Variants in IMMP1L observed in about 807,000 individuals in gnomAD.
IMMP1L encodes the protein inner mitochondrial membrane peptidase subunit 1.
Under a neutral mutation model 21.8 loss-of-function variants are expected in IMMP1L, and 24 were observed. That is an observed-to-expected ratio of 1.10 (90% CI 0.80 to 1.55). The LOEUF (loss-of-function observed/expected upper bound fraction) is 1.55, where lower values mean the gene tolerates loss of function less well. Ranked by LOEUF, IMMP1L falls within the 40% of genes most tolerant of loss-of-function variation. IMMP1L has a pLI of 0.00. For synonymous variants in IMMP1L, 46 were observed against 62.8 expected (o/e 0.73, Z 1.26); for missense variants, 195 against 200.7 (o/e 0.97, Z 0.17).
At chr11:31,460,557 C>T (rs1412994505) in intron 3 of IMMP1L, 69 bp downstream of exon 3, 2 of 886,272 alleles carry the variant, frequency 2.3e-6, no homozygotes, top group Non-Finnish European at 1.8e-6. Context: ...AGTTAAGGAA[C>T]TGCAGAAAAG....
At chr11:31,455,337 A>T (rs1004933222) in intron 4 of IMMP1L, among the ~76,000 whole-genome samples, 2 of 152,224 alleles carry the variant, frequency 1.3e-5, no homozygotes, top group Non-Finnish European at 2.9e-5. Context: ...AGTAAAGTAG[A>T]AAATTAAGCT....
chr11:31,484,102 T>C (rs1954991199), intron 1 of IMMP1L, among the ~76,000 whole-genome samples: 1 of 151,856 alleles, frequency 6.6e-6, no homozygotes, highest in Non-Finnish European at 1.5e-5. Flanking sequence ...AATAGCTAAT[T>C]TTACAGTAAA....
At chr11:31,483,395 C>T (rs1318868962) in intron 1 of IMMP1L, among the ~76,000 whole-genome samples, 1 of 152,034 alleles carries the variant, frequency 6.6e-6, no homozygotes, top group African/African-American at 2.4e-5. Context: ...AATTTAGGAA[C>T]TGACATGTAT....
intron 4 of IMMP1L, among the ~76,000 whole-genome samples, chr11:31,448,026 C>T (rs969744133): frequency 2.0e-5 from 3 of 152,072 alleles, no homozygotes; most frequent in African/African-American, 7.2e-5. Flanking sequence ...ACTGTTATAG[C>T]ACCTGGGCGC....
intron 1 of IMMP1L, among the ~76,000 whole-genome samples, chr11:31,496,519 T>C (rs1955440657): frequency 6.6e-6 from 1 of 152,102 alleles, no homozygotes; most frequent in Non-Finnish European, 1.5e-5. Flanking sequence ...CAGATACTTC[T>C]ATGCCAATGT....
chr11:31,477,416 A>G (rs575761786), intron 1 of IMMP1L: 3 of 365,054 alleles, frequency 8.2e-6, no homozygotes, highest in East Asian at 3.2e-4. Context: ...TAGTTTGTAT[A>G]TGTCTTGCAT....
At position 31,491,023 on chromosome 11, in the gene IMMP1L, A is replaced by G. The variant is rs564398516; in HGVS notation, c.-30+18496T>C. 5.9e-5 allele frequency among the ~76,000 whole-genome samples: 9 copies of G among 152,308 alleles called. No homozygotes were observed. The East Asian group carries it at 1.5e-3, about 26-fold the overall frequency. ...AAGGATGCCCCCCTAGAGTTTTCAT[A>G]ATAAACATAGCTGACAACTTGACTT... On this transcript the variant is annotated intron_variant, in intron 1 of 5. Coordinates refer to ENST00000532287, the MANE Select transcript of IMMP1L (RefSeq NM_001304274.2).
intron 1 of IMMP1L, among the ~76,000 whole-genome samples, chr11:31,503,559 T>TGAGCA (rs1955692471): frequency 1.3e-5 from 2 of 152,172 alleles, no homozygotes; most frequent in African/African-American, 4.8e-5. Context: ...CTGATATTTA[T>TGAGCA]TTATCAGCAA....
chr11:31,492,216 T>C (rs1343500517), intron 1 of IMMP1L, among the ~76,000 whole-genome samples: 3 of 152,278 alleles, frequency 2.0e-5, no homozygotes, highest in East Asian at 1.9e-4. Context: ...CTTTGCTAGA[T>C]AGAGGTAACT....
intron 1 of IMMP1L, among the ~76,000 whole-genome samples, chr11:31,473,042 T>C (rs1455786671): frequency 6.6e-6 from 1 of 151,500 alleles, no homozygotes. Flanking sequence ...ATTTTTGTTG[T>C]TGTTGTTGTT....
At chr11:31,467,957 TA>T (rs1171879157) in intron 1 of IMMP1L, among the ~76,000 whole-genome samples, 3 of 152,048 alleles carry the variant, frequency 2.0e-5, no homozygotes, top group African/African-American at 4.8e-5. Context: ...ATGTGTAACC[TA>T]AATCTGATCA....
intron 1 of IMMP1L, among the ~76,000 whole-genome samples, chr11:31,474,666 T>C (rs1954670748): frequency 6.6e-6 from 1 of 151,874 alleles, no homozygotes; most frequent in African/African-American, 2.4e-5. Flanking sequence ...GCCTGGGCAA[T>C]AAAGCAAGAC....
At chr11:31,501,657 A>G (rs897257178) in intron 1 of IMMP1L, among the ~76,000 whole-genome samples, 5 of 152,204 alleles carry the variant, frequency 3.3e-5, no homozygotes, top group African/African-American at 1.2e-4. Context: ...TAGGGGTTTT[A>G]GAAATGAAAA....
rs372089096 is a variant in IMMP1L at position 31,503,023 on chromosome 11, T to C, written c.-30+6496A>G. ...ATGGCTTTTTAAGTTTTAATTTAAATACCCCAGTTTTCCATTTATACTTTA... is the reference window on the plus strand; with the variant it reads ...ATGGCTTTTTAAGTTTTAATTTAAACACCCCAGTTTTCCATTTATACTTTA... On this transcript the variant is annotated intron_variant, in intron 1 of 5. Transcript: ENST00000532287. Among the ~76,000 whole-genome samples, 27 of 152,284 alleles carry C rather than the reference T, an allele frequency of 1.8e-4. No individual in the cohort carries two copies. In the South Asian group the frequency reaches 5.0e-3, roughly 28 times the overall value.
At chr11:31,496,747 T>A (rs1239538105) in intron 1 of IMMP1L, among the ~76,000 whole-genome samples, 1 of 148,826 alleles carries the variant, frequency 6.7e-6, no homozygotes, top group East Asian at 1.9e-4. Flanking sequence ...TAATATGTTA[T>A]AATTTACATA....
At position 31,467,005 on chromosome 11, in the gene IMMP1L, A is replaced by G. The variant is rs557107611; in HGVS notation, c.-29-3700T>C. Among the ~76,000 whole-genome samples, 186 of 152,308 alleles carry G rather than the reference A, an allele frequency of 1.2e-3. 2 individuals are homozygous for G. Among genetic ancestry groups the G allele is most frequent in the African/African-American group, 3.9e-3 (164 of 41,586 alleles). On this transcript the variant is annotated intron_variant, in intron 1 of 5. Transcript: ENST00000532287. ...TTATATACTGTATACATGTAACACA[A>G]TATCACTGTATCCCATTAATACATA...
At chr11:31,503,879 T>C (rs1055733306) in intron 1 of IMMP1L, among the ~76,000 whole-genome samples, 1 of 152,242 alleles carries the variant, frequency 6.6e-6, no homozygotes, top group African/African-American at 2.4e-5. Flanking sequence ...CTGAAGAACC[T>C]GAAGACACAC....
intron 4 of IMMP1L, among the ~76,000 whole-genome samples, chr11:31,450,803 G>GAAAAGA (rs1953728793): frequency 6.6e-6 from 1 of 152,108 alleles, no homozygotes; most frequent in African/African-American, 2.4e-5. Context: ...AGTAGAAGTA[G>GAAAAGA]AAAAGAAACT....
chr11:31,496,105 T>A (rs1955423919), intron 1 of IMMP1L, among the ~76,000 whole-genome samples: 1 of 126,084 alleles, frequency 7.9e-6, no homozygotes, highest in Non-Finnish European at 1.6e-5. Flanking sequence ...CTCCTATAAC[T>A]CAAAAACCCG....
Sources: allele counts gnomAD v4.1 joint callset (sites outside exome capture counted in the v4.1 genomes callset), GRCh38; gene constraint gnomAD v4.1.1; transcripts MANE v1.5; gene names NCBI Gene and HGNC (gene_info 2026-07-23, HGNC 2026-07-21).